Variants in EYS observed in about 807,000 individuals in gnomAD.
EYS encodes protein eyes shut homolog.
A neutral mutation model predicts 282.1 loss-of-function variants in EYS; 250 were observed. That is an observed-to-expected ratio of 0.89 (90% CI 0.80 to 0.98). The LOEUF (loss-of-function observed/expected upper bound fraction) is 0.98, where lower values mean the gene tolerates loss of function less well. EYS is among the 50% of genes least tolerant of loss of function. The pLI is 0.00. For synonymous variants in EYS, 1,355 were observed against 1,282.9 expected (o/e 1.06, Z -1.20); for missense variants, 4,016 against 3,709.0 (o/e 1.08, Z -2.15).
intron 8 of EYS, among the ~76,000 whole-genome samples, chr6:65,365,573 G>A (rs1764885719): frequency 6.6e-6 from 1 of 151,480 alleles, no homozygotes; most frequent in Admixed American, 6.7e-5. Context: ...CTCATTGAGT[G>A]ACTATTACAA....
intron 12 of EYS, among the ~76,000 whole-genome samples, chr6:65,129,202 C>A (rs190044731): frequency 7.9e-5 from 12 of 152,008 alleles, no homozygotes; most frequent in Admixed American, 2.0e-4. Context: ...TGTAAGACCT[C>A]AAACTATAAA....
At chr6:63,932,130 A>G (rs1764913156) in intron 35 of EYS, among the ~76,000 whole-genome samples, 1 of 152,230 alleles carries the variant, frequency 6.6e-6, no homozygotes. Flanking sequence ...AATGTCCTCC[A>G]GGCCCATCCA....
At chr6:64,663,199 C>A (rs1003736421) in intron 22 of EYS, among the ~76,000 whole-genome samples, 1 of 152,052 alleles carries the variant, frequency 6.6e-6, no homozygotes, top group Non-Finnish European at 1.5e-5. Flanking sequence ...AATCCACTGA[C>A]AACAATAATT....
chr6:65,321,706 A>G (rs186302713), intron 11 of EYS, among the ~76,000 whole-genome samples: 5 of 152,296 alleles, frequency 3.3e-5, no homozygotes, highest in Admixed American at 6.5e-5. Context: ...GCTCTGACCA[A>G]TGTGGGGGCT....
chr6:65,257,818 T>G (rs192953959), intron 12 of EYS, among the ~76,000 whole-genome samples: 23 of 152,016 alleles, frequency 1.5e-4, no homozygotes, highest in African/African-American at 4.6e-4. Flanking sequence ...ATGGAGATAG[T>G]GAGTAGAATG....
At chr6:64,975,933 A>G (rs1770463392) in intron 14 of EYS, among the ~76,000 whole-genome samples, 1 of 151,948 alleles carries the variant, frequency 6.6e-6, no homozygotes, top group Non-Finnish European at 1.5e-5. Flanking sequence ...AGCTAATTTG[A>G]TAAAACATTT....
intron 22 of EYS, among the ~76,000 whole-genome samples, chr6:64,688,736 A>G (rs13437293): frequency 0.039 from 5,932 of 152,238 alleles, 399 homozygotes; most frequent in African/African-American, 0.14. Flanking sequence ...GATGTCTATT[A>G]GGTCCGCTTG....
intron 5 of EYS, among the ~76,000 whole-genome samples, chr6:65,464,263 A>C (rs1003669878): frequency 6.6e-6 from 1 of 152,122 alleles, no homozygotes; most frequent in Non-Finnish European, 1.5e-5. Flanking sequence ...GACTTTTTGG[A>C]TACAGTTTGT....
intron 11 of EYS, among the ~76,000 whole-genome samples, chr6:65,316,282 A>C (rs979379426): frequency 6.6e-6 from 1 of 152,074 alleles, no homozygotes; most frequent in African/African-American, 2.4e-5. Context: ...ATGAACAGTC[A>C]TTTTTGGTCC....
chr6:65,352,682 T>C (rs1215844082), intron 9 of EYS, among the ~76,000 whole-genome samples: 1 of 151,876 alleles, frequency 6.6e-6, no homozygotes, highest in Admixed American at 6.6e-5. Context: ...CTCACCTTAT[T>C]ACTCCAACCA....
Position 64,325,752 on chromosome 6 carries a change from AC to A in EYS, c.6079-18671del, listed in dbSNP as rs560880907. On this transcript the variant is annotated intron_variant, in intron 29 of 42. Transcript: ENST00000503581. ...CCTTCAGGAAACACTGGACACACTTACAAAAATGCAAAATTCTCTGGAAAGT... is the reference window on the plus strand; with the variant it reads ...CCTTCAGGAAACACTGGACACACTTAAAAAATGCAAAATTCTCTGGAAAGT... 7.2e-5 allele frequency among the ~76,000 whole-genome samples: 11 copies of A among 152,314 alleles called. 1 individual carries two copies. In the South Asian group the frequency reaches 2.1e-3, roughly 29 times the overall value.
intron 26 of EYS, among the ~76,000 whole-genome samples, chr6:64,460,550 A>G (rs779437612): frequency 8.5e-5 from 13 of 152,346 alleles, no homozygotes; most frequent in South Asian, 2.1e-4. Context: ...TGCTTAAAAA[A>G]GTGAACAATT....
intron 40 of EYS, among the ~76,000 whole-genome samples, chr6:63,767,735 A>G (rs1433126135): frequency 1.3e-5 from 2 of 152,132 alleles, no homozygotes; most frequent in Admixed American, 6.6e-5. Flanking sequence ...TCTAAAATTC[A>G]TATGGAAACA....
At chr6:64,706,598 C>G (rs1771026210) in intron 22 of EYS, among the ~76,000 whole-genome samples, 2 of 152,014 alleles carry the variant, frequency 1.3e-5, no homozygotes, top group Non-Finnish European at 1.5e-5. Context: ...CTACAAGCAA[C>G]TCAAACAAAT....
intron 25 of EYS, 44 bp from the exon 26 acceptor site, chr6:64,592,033 G>A: frequency 7.3e-7 from 1 of 1,373,642 alleles, no homozygotes; most frequent in South Asian, 1.6e-5. Flanking sequence ...AAATGAATCA[G>A]AAACGAACCA....
intron 13 of EYS, among the ~76,000 whole-genome samples, chr6:65,053,888 C>T (rs1215151573): frequency 6.6e-6 from 1 of 151,906 alleles, no homozygotes; most frequent in Non-Finnish European, 1.5e-5. Context: ...CCAACTTAAT[C>T]TTGTGATTTT....
intron 14 of EYS, among the ~76,000 whole-genome samples, chr6:64,985,980 T>C (rs1770846231): frequency 6.6e-6 from 1 of 151,512 alleles, no homozygotes; most frequent in African/African-American, 2.4e-5. Flanking sequence ...CTGTCACAGC[T>C]CTCCATACTC....
intron 15 of EYS, among the ~76,000 whole-genome samples, chr6:64,928,840 C>T (rs568168875): frequency 1.3e-5 from 2 of 152,016 alleles, no homozygotes; most frequent in South Asian, 4.1e-4. Flanking sequence ...TTTCTAACTA[C>T]ACCTCTAAAC....
chr6:64,884,348 T>G (rs1300664691), intron 19 of EYS, among the ~76,000 whole-genome samples: 1 of 151,394 alleles, frequency 6.6e-6, no homozygotes, highest in Non-Finnish European at 1.5e-5. Context: ...AAAGCTAGAG[T>G]AGAAATAAAA....
Sources: allele counts gnomAD v4.1 joint callset (sites outside exome capture counted in the v4.1 genomes callset), GRCh38; gene constraint gnomAD v4.1.1; transcripts MANE v1.5; gene names NCBI Gene and HGNC (gene_info 2026-07-23, HGNC 2026-07-21).